DLG1: variants seen among roughly 807,000 people sequenced by gnomAD.
DLG1 encodes discs large MAGUK scaffold protein 1.
A neutral mutation model predicts 123.4 loss-of-function variants in DLG1; 42 were observed. The observed-to-expected ratio is 0.34, with a 90% CI of 0.27 to 0.44. DLG1 has a LOEUF of 0.44. Among genes scored for constraint, DLG1 ranks in the 20% least tolerant of loss-of-function variants. DLG1 has a pLI of 1.00. For missense variants in DLG1, 942 were observed against 1,082.6 expected (o/e 0.87, Z 1.82); for synonymous variants, 317 against 356.2 (o/e 0.89, Z 1.24).
intron 4 of DLG1, among the ~76,000 whole-genome samples, chr3:197,202,354 A>G (rs748859498): frequency 2.0e-5 from 3 of 152,226 alleles, no homozygotes; most frequent in Non-Finnish European, 4.4e-5. Context: ...CTCATTTTGA[A>G]TATGAATTCA....
intron 4 of DLG1, among the ~76,000 whole-genome samples, chr3:197,199,744 T>A (rs1724629931): frequency 6.6e-6 from 1 of 152,150 alleles, no homozygotes; most frequent in Non-Finnish European, 1.5e-5. Flanking sequence ...CTATTTCCAA[T>A]TTTTTGTAAC....
intron 15 of DLG1, 36 bp downstream of exon 15, chr3:197,090,872 CTAAT>C (rs779813447): frequency 8.3e-7 from 1 of 1,203,994 alleles, no homozygotes; most frequent in Non-Finnish European, 1.2e-6. Flanking sequence ...ACATGCATAA[CTAAT>C]TAAGATTTGC....
rs771202629 is a variant in DLG1 at position 197,065,426 on chromosome 3, A to G, written c.2223T>C (p.Asp741=). ...CVPHTTRPKR[D]YEVDGRDYHF... Reference sequence around the variant, plus strand: ...GATAATCTCTTCCATCTACCTCATAATCTCGTTTTGGTCTAGTTGTATCTT... The same window carrying G: ...GATAATCTCTTCCATCTACCTCATAGTCTCGTTTTGGTCTAGTTGTATCTT... The change falls in exon 22 of 25, where the codon GAT becomes GAC. Residue 741 remains aspartate, a synonymous_variant. Coordinates refer to ENST00000667157, the MANE Select transcript of DLG1 (RefSeq NM_001366207.1). The G allele has an allele frequency of 6.2e-7, 1 of 1,610,230 alleles. No homozygotes were observed. The highest frequency in any genetic ancestry group is 8.5e-7 in the Non-Finnish European group (1 of 1,178,860).
chr3:197,244,997 G>A (rs1449728909), intron 4 of DLG1, among the ~76,000 whole-genome samples: 3 of 152,194 alleles, frequency 2.0e-5, no homozygotes, highest in Non-Finnish European at 4.4e-5. Flanking sequence ...CATTTCACAA[G>A]GAGATAAGCC....
At chr3:197,254,490 G>T (rs9858445) in intron 4 of DLG1, among the ~76,000 whole-genome samples, 19,875 of 152,084 alleles carry the variant, frequency 0.13, 1,802 homozygotes, top group African/African-American at 0.25. Flanking sequence ...TCTTTTATAC[G>T]TTATTTAGAG....
Position 197,273,709 on chromosome 3 carries a change from G to C in DLG1, c.318+8970C>G, listed in dbSNP as rs545332054. Among the ~76,000 whole-genome samples the C allele has an allele frequency of 5.9e-5, 9 of 151,972 alleles. No homozygotes were observed. In the South Asian group the frequency reaches 1.9e-3, roughly 32 times the overall value. ...AGATAAACACTGAAGGGCTGAAAGG[G>C]GGGACTTGTAAATAACAGGCACAAC... On this transcript the variant is annotated intron_variant, in intron 4 of 24. Transcript: ENST00000667157.
At chr3:197,273,200 G>C (rs1403202013) in intron 4 of DLG1, among the ~76,000 whole-genome samples, 1 of 150,966 alleles carries the variant, frequency 6.6e-6, no homozygotes, top group African/African-American at 2.4e-5. Context: ...GTGTGTGTGT[G>C]TGTGTGTGTG....
Position 197,049,045 on chromosome 3 carries a change from G to A in DLG1, c.2575+2532C>T, listed in dbSNP as rs372640749. ...CAAAGGAAAGGAAATTGGGCCAGGC[G>A]TGGTGGCTCACACCTGTAATTCCAG... is the stretch of plus-strand genomic sequence containing the variant. On this transcript the variant is annotated intron_variant, in intron 24 of 24. Transcript: ENST00000667157. 2.0e-4 allele frequency among the ~76,000 whole-genome samples: 30 copies of A among 152,278 alleles called. No homozygotes were observed. In the South Asian group the frequency reaches 4.8e-3, roughly 24 times the overall value.
At chr3:197,094,722 A>G (rs1759653721) in intron 14 of DLG1, among the ~76,000 whole-genome samples, 1 of 152,148 alleles carries the variant, frequency 6.6e-6, no homozygotes, top group Non-Finnish European at 1.5e-5. Context: ...CTCTCACCCC[A>G]GGAAGTGTTT....
At chr3:197,101,780 C>T (rs73084533) in intron 14 of DLG1, among the ~76,000 whole-genome samples, 1,626 of 151,822 alleles carry the variant, frequency 0.011, 31 homozygotes, top group African/African-American at 0.037. Flanking sequence ...ATTTCCAGTT[C>T]CCATGTTCGA....
chr3:197,098,521 A>G (rs1279654934), intron 14 of DLG1, among the ~76,000 whole-genome samples: 1 of 152,160 alleles, frequency 6.6e-6, no homozygotes, highest in South Asian at 2.1e-4. Context: ...TCAGATCTTC[A>G]TATTTATAGT....
In DLG1 at chr3:197,077,635, C is replaced by T. The variant is rs115826357; in HGVS notation, c.1906-950G>A. ...TCTAACAGTTTATACATAATTGTAACGTGGAGTTGAGCAGTTGATTTGATG... is the reference window on the plus strand; with the variant it reads ...TCTAACAGTTTATACATAATTGTAATGTGGAGTTGAGCAGTTGATTTGATG... On this transcript the variant is annotated intron_variant, in intron 17 of 24. Coordinates refer to ENST00000667157, the MANE Select transcript of DLG1 (RefSeq NM_001366207.1). 6.1e-3 allele frequency among the ~76,000 whole-genome samples: 935 copies of T among 152,286 alleles called. 4 individuals are homozygous for T. The highest frequency in any genetic ancestry group is 0.022 in the South Asian group (104 of 4,832).
At chr3:197,232,646 G>A (rs989881909) in intron 4 of DLG1, among the ~76,000 whole-genome samples, 1 of 151,256 alleles carries the variant, frequency 6.6e-6, no homozygotes, top group African/African-American at 2.4e-5. Flanking sequence ...GGCACTTCAT[G>A]AATATTTGTT....
chr3:197,045,674 T>C (rs1164371494), intron 24 of DLG1, among the ~76,000 whole-genome samples: 1 of 152,012 alleles, frequency 6.6e-6, no homozygotes, highest in Non-Finnish European at 1.5e-5. Flanking sequence ...AGCCCAGGAG[T>C]TCACAACTGC....
intron 4 of DLG1, among the ~76,000 whole-genome samples, chr3:197,241,543 T>C (rs771122020): frequency 2.0e-5 from 3 of 152,178 alleles, no homozygotes; most frequent in Non-Finnish European, 4.4e-5. Flanking sequence ...GTAATTGTGG[T>C]ATGCAATCCA....
rs975228416 is a variant in DLG1, at chr3:197,136,530, T to C, written c.1020+12A>G. 5.0e-6 allele frequency: 8 copies of C among 1,600,030 alleles called. No homozygotes were observed. Among genetic ancestry groups the C allele is most frequent in the Middle Eastern group, 1.7e-4 (1 of 6,008 alleles). ...AAAATGATTTAAAAGACAATAGATT[T>C]CTTATACTTACTGCTAAAAGTTTAT... is the stretch of plus-strand genomic sequence containing the variant. On this transcript the variant is annotated intron_variant, in intron 10 of 24. Coordinates refer to ENST00000667157, the MANE Select transcript of DLG1 (RefSeq NM_001366207.1).
chr3:197,218,689 T>G (rs1271374324), intron 4 of DLG1, among the ~76,000 whole-genome samples: 1 of 152,208 alleles, frequency 6.6e-6, no homozygotes, highest in African/African-American at 2.4e-5. Flanking sequence ...ATCAGTAATT[T>G]TTGCTTGTTT....
At chr3:197,278,824 T>C (rs1767823118) in intron 4 of DLG1, among the ~76,000 whole-genome samples, 1 of 151,876 alleles carries the variant, frequency 6.6e-6, no homozygotes, top group Non-Finnish European at 1.5e-5. Flanking sequence ...TTTGTGAAAA[T>C]TGAGCAATCT....
intron 4 of DLG1, among the ~76,000 whole-genome samples, chr3:197,257,196 G>C (rs1295723464): frequency 6.6e-6 from 1 of 150,864 alleles, no homozygotes; most frequent in Admixed American, 6.6e-5. Flanking sequence ...ACCTACAAGT[G>C]AAAGTACCCT....
Sources: gnomAD v4.1 joint callset for allele counts (sites outside exome capture counted in the v4.1 genomes callset) on GRCh38, gnomAD v4.1.1 for gene constraint, MANE v1.5 for transcripts, NCBI Gene and HGNC (gene_info 2026-07-23, HGNC 2026-07-21) for gene names.